The following SCNN1G variants were observed in gnomAD, a reference collection of about 807,000 sequenced individuals.
SCNN1G encodes the protein sodium channel epithelial 1 subunit gamma.
A neutral mutation model predicts 64.6 loss-of-function variants in SCNN1G; 27 were observed. The observed-to-expected ratio is 0.42, with a 90% confidence interval of 0.31 to 0.58. The LOEUF is 0.58. Ranked by LOEUF, SCNN1G falls within the 20% of genes least tolerant of loss-of-function variation. The pLI is 0.18. For missense variants in SCNN1G, 743 were observed against 823.4 expected, an observed-to-expected ratio of 0.90 and a Z score of 1.19; for synonymous variants, 330 against 314.2, an observed-to-expected ratio of 1.05 and a Z score of -0.53.
At chr16:23,205,930 A>G (rs993425708) in intron 6 of SCNN1G, among the ~76,000 whole-genome samples, 4 of 151,846 alleles carry the variant, frequency 2.6e-5, no homozygotes, top group African/African-American at 9.7e-5. Flanking sequence ...GCTGGTAGAC[A>G]CCTCCACCAT....
In SCNN1G at chr16:23,212,771, A is replaced by G; in HGVS notation, c.1373+15A>G. On this transcript the variant is annotated intron_variant, in intron 9 of 12. Transcript: ENST00000300061. ...GAAGCCTGCAGGTATGTGGACCCCA[A>G]GGGGTGAGACGGGTGGCTGGGTTGG... 1.9e-6 allele frequency: 3 copies of G among 1,613,716 alleles called. No individual in the cohort carries two copies. Among genetic ancestry groups the G allele is most frequent in the Non-Finnish European group, 2.5e-6 (3 of 1,179,608 alleles).
Position 23,186,340 on chromosome 16 carries a change from G to T in SCNN1G, c.69G>T (p.Pro23=). The change falls in exon 2 of 13, where the codon CCG becomes CCT. Residue 23 remains proline (P), a synonymous_variant. Transcript: ENST00000300061. The part of the protein sequence containing the change: ...KNLPVTGPQA[P]TIKELMRWYC... ...TGCCCGTGACGGGCCCTCAGGCGCC[G>T]ACCATTAAAGAGCTGATGCGGTGGT... is the stretch of plus-strand genomic sequence containing the variant. 6.2e-7 allele frequency: 1 copy of T among 1,614,242 alleles called. No homozygotes were observed. The highest frequency in any genetic ancestry group is 8.5e-7 in the Non-Finnish European group (1 of 1,180,052).
chr16:23,215,053 G>C, intron 12 of SCNN1G, 36 bp from the exon 13 acceptor site: 1 of 1,613,634 alleles, frequency 6.2e-7, no homozygotes, highest in Non-Finnish European at 8.5e-7. Context: ...TTGGGGGGAG[G>C]TTCCTCTTGA....
intron 6 of SCNN1G, among the ~76,000 whole-genome samples, chr16:23,204,334 TAGAGAGAGAG>T (rs755322105): frequency 7.2e-4 from 11 of 15,174 alleles, no homozygotes; most frequent in East Asian, 2.4e-3. Flanking sequence ...TATATATATA[TAGAGAGAGAG>T]AGAGAGAGAG....
chr16:23,189,502 A>C lies in SCNN1G; in HGVS notation c.449A>C (p.Lys150Thr). The C allele has an allele frequency of 6.2e-7, 1 of 1,614,190 alleles. No individual in the cohort carries two copies. Among genetic ancestry groups the C allele is most frequent in the Non-Finnish European group, 8.5e-7 (1 of 1,180,036 alleles). ...TCCTGGAACTCCGTCTCAGAGGGAA[A>C]GCAGCCTAGATTCTCCCACCGGATT... ...AESWNSVSEG[K>T]QPRFSHRIPL... is the part of the protein sequence containing the mutation. The change falls in exon 3 of 13, where the codon AAG (lysine) becomes ACG (threonine). Residue 150 changes from lysine (K) to threonine (T), a missense_variant. Physicochemically the swap from Lys to Thr is moderately conservative, Grantham distance 78. Coordinates refer to ENST00000300061, the MANE Select transcript of SCNN1G (RefSeq NM_001039.4).
In SCNN1G at chr16:23,209,806, C is replaced by T. The variant is rs770224385; in HGVS notation, c.1134C>T (p.Asp378=). The T allele has an allele frequency of 7.4e-6, 12 of 1,613,936 alleles. No individual in the cohort carries two copies. In the East Asian group the frequency reaches 1.3e-4, roughly 18 times the overall value. ...GTCAGTGCACGGAGGACGGGAGTGACGTGCCAATCAGGAACATCTACAACG... is the reference window on the plus strand; with the variant it reads ...GTCAGTGCACGGAGGACGGGAGTGATGTGCCAATCAGGAACATCTACAACG... ...PYSQCTEDGS[D]VPIRNIYNAA... Residue 378 remains aspartate, a synonymous_variant, in exon 7 of 13, where the codon GAC becomes GAT. Transcript: ENST00000300061.
chr16:23,188,351 T>G (rs1436000216), intron 2 of SCNN1G, among the ~76,000 whole-genome samples: 1 of 152,046 alleles, frequency 6.6e-6, no homozygotes, highest in East Asian at 1.9e-4. Flanking sequence ...TCTAAAAATA[T>G]TTTATTTTAA....
Position 23,197,286 on chromosome 16 carries a change from A to G in SCNN1G, c.936A>G (p.Ile312Met), listed in dbSNP as rs770938136. Residue 312 changes from isoleucine (I) to methionine (M), a missense_variant, in exon 6 of 13, where the codon ATA becomes ATG. By Grantham distance (10) the Ile-to-Met change is conservative. Transcript: ENST00000300061. ...SEYGLQVILY[I>M]NEEEYNPFLV... ...CAGGGCTGCAAGTCATTTTGTACAT[A>G]AACGAAGAGGAATACAACCCATTCC... 1.2e-6 allele frequency: 2 copies of G among 1,613,962 alleles called. No homozygotes were observed. Among genetic ancestry groups the G allele is most frequent in the East Asian group, 4.5e-5 (2 of 44,888 alleles).
intron 12 of SCNN1G, 82 bp downstream of exon 12, chr16:23,214,869 G>T: frequency 7.8e-7 from 1 of 1,285,380 alleles, no homozygotes; most frequent in Non-Finnish European, 1.1e-6. Context: ...GCAGAATCAG[G>T]GTAGGGGGTT....
chr16:23,187,323 G>A (rs1959629967), intron 2 of SCNN1G, among the ~76,000 whole-genome samples: 1 of 151,954 alleles, frequency 6.6e-6, no homozygotes, highest in Non-Finnish European at 1.5e-5. Context: ...TACTCAGGCT[G>A]GTCTCAAACT....
chr16:23,209,692 A>T, intron 6 of SCNN1G, 58 bp from the exon 7 acceptor site: 1 of 1,283,998 alleles, frequency 7.8e-7, no homozygotes, highest in Non-Finnish European at 1.1e-6. Flanking sequence ...CTCCTTGCAA[A>T]GCCCCCGCCT....
intron 6 of SCNN1G, among the ~76,000 whole-genome samples, chr16:23,201,545 G>T (rs1959889994): frequency 6.6e-6 from 1 of 152,060 alleles, no homozygotes; most frequent in African/African-American, 2.4e-5. Context: ...AAAAAACAGG[G>T]TTTATGAAGA....
Position 23,186,319 on chromosome 16 carries a change from C to T in SCNN1G, c.48C>T (p.Pro16=), listed in dbSNP as rs1203780950. 21 of 1,614,114 alleles carry T rather than the reference C, an allele frequency of 1.3e-5. No individual in the cohort carries two copies. The highest frequency in any genetic ancestry group is 1.6e-5 in the Non-Finnish European group (19 of 1,180,048). The change falls in exon 2 of 13, where the codon CCC becomes CCT. Residue 16 remains proline, a synonymous_variant. Coordinates refer to ENST00000300061, the MANE Select transcript of SCNN1G (RefSeq NM_001039.4). ...KIKAKIKKNL[P]VTGPQAPTIK... Reference sequence around the variant, plus strand: ...AAGCCAAAATCAAGAAGAATCTGCCCGTGACGGGCCCTCAGGCGCCGACCA... The same window carrying T: ...AAGCCAAAATCAAGAAGAATCTGCCTGTGACGGGCCCTCAGGCGCCGACCA...
chr16:23,215,828 C>T lies in SCNN1G; in HGVS notation c.*359C>T. 3.0e-6 allele frequency: 1 copy of T among 338,630 alleles called. No homozygotes were observed. The highest frequency in any genetic ancestry group is 5.6e-6 in the Non-Finnish European group (1 of 179,490). The allele number at this position is 338,630 out of a possible 1,614,324, so 21.0% of individuals were successfully genotyped here. On this transcript the variant is annotated 3_prime_UTR_variant, in exon 13 of 13. Coordinates refer to ENST00000300061, the MANE Select transcript of SCNN1G (RefSeq NM_001039.4). ...TGAGAGGGAAGGACTCTTCCAAAGC[C>T]CCAAAGCCGAGGGTTTCACCCACAC...
intron 6 of SCNN1G, among the ~76,000 whole-genome samples, chr16:23,202,465 G>A (rs1384528417): frequency 6.6e-6 from 1 of 152,188 alleles, no homozygotes; most frequent in Non-Finnish European, 1.5e-5. Flanking sequence ...AGAAGGACAA[G>A]TGCAGGCAAA....
At chr16:23,211,711 C>G (rs1960081915) in intron 7 of SCNN1G, among the ~76,000 whole-genome samples, 1 of 152,140 alleles carries the variant, frequency 6.6e-6, no homozygotes, top group African/African-American at 2.4e-5. Flanking sequence ...ACTTGGGAGG[C>G]TGAGGTGGGA....
intron 6 of SCNN1G, among the ~76,000 whole-genome samples, chr16:23,203,769 CAAAA>C (rs71151702): frequency 1.1e-3 from 48 of 42,274 alleles, no homozygotes; most frequent in African/African-American, 6.3e-3. Flanking sequence ...GACTCCGTCT[CAAAA>C]AAAAAAAAAA....
At chr16:23,214,977 A>C in intron 12 of SCNN1G, 112 bp from the exon 13 acceptor site, 2 of 1,331,552 alleles carry the variant, frequency 1.5e-6, no homozygotes, top group Non-Finnish European at 2.1e-6. Flanking sequence ...TCTTCCTCCC[A>C]GCCTGTGCAG....
chr16:23,207,812 C>G (rs1294723117), intron 6 of SCNN1G, among the ~76,000 whole-genome samples: 1 of 152,174 alleles, frequency 6.6e-6, no homozygotes, highest in African/African-American at 2.4e-5. Context: ...GCAATACAAA[C>G]AGAAAGGGAT....
Sources: allele counts gnomAD v4.1 joint callset (sites outside exome capture counted in the v4.1 genomes callset), GRCh38; gene constraint gnomAD v4.1.1; transcripts MANE v1.5; gene names NCBI Gene and HGNC (gene_info 2026-07-23, HGNC 2026-07-21).